The following TCF4 variants were observed in gnomAD, a reference collection of about 807,000 sequenced individuals.
The protein encoded by TCF4 is transcription factor 4, also known as SL3-3 enhancer factor 2.
In TCF4, 3 loss-of-function variants were observed where a neutral mutation model predicts 82.1. The observed-to-expected ratio is 0.04, with a 90% CI of 0.02 to 0.09. TCF4 has a LOEUF of 0.09. Among genes scored for constraint, TCF4 ranks in the 10% least tolerant of loss-of-function variants. The probability of loss-of-function intolerance (pLI) is 1.00; values close to 1 mark genes in which losing one functional copy is unlikely to be tolerated. For synonymous variants in TCF4, 276 were observed against 309.6 expected (o/e 0.89, Z 1.14); for missense variants, 518 against 852.7 (o/e 0.61, Z 4.89).
chr18:55,379,039 T>C (rs1306264187), intron 6 of TCF4, among the ~76,000 whole-genome samples: 1 of 152,224 alleles, frequency 6.6e-6, no homozygotes, highest in African/African-American at 2.4e-5. Context: ...CTCTCAGTTA[T>C]GTGACATTTT....
At chr18:55,450,197 T>C (rs1230475364) in intron 5 of TCF4, among the ~76,000 whole-genome samples, 1 of 152,158 alleles carries the variant, frequency 6.6e-6, no homozygotes, top group Non-Finnish European at 1.5e-5. Flanking sequence ...CATCCACCAC[T>C]TCCCCCATGT....
At chr18:55,330,457 T>TGTTA (rs1418742619) in intron 8 of TCF4, among the ~76,000 whole-genome samples, 1 of 148,616 alleles carries the variant, frequency 6.7e-6, no homozygotes, top group African/African-American at 2.5e-5. Flanking sequence ...GGATTACAAG[T>TGTTA]GTTAGCCACC....
chr18:55,234,477 A>C, intron 16 of TCF4, 71 bp downstream of exon 16: 1 of 1,602,740 alleles, frequency 6.2e-7, no homozygotes, highest in African/African-American at 1.3e-5. Flanking sequence ...GATGAACACC[A>C]AGAGGCTGGG....
chr18:55,532,441 A>G (rs1431917225), intron 3 of TCF4, among the ~76,000 whole-genome samples: 2 of 152,320 alleles, frequency 1.3e-5, no homozygotes, highest in East Asian at 3.9e-4. Flanking sequence ...GGCACAAGGG[A>G]GCTAATTTCT....
chr18:55,494,767 G>A (rs976933574), intron 3 of TCF4, among the ~76,000 whole-genome samples: 1 of 151,930 alleles, frequency 6.6e-6, no homozygotes, highest in African/African-American at 2.4e-5. Flanking sequence ...CTTACCAGTA[G>A]GACCACATTC....
intron 3 of TCF4, chr18:55,550,946 C>CT (rs1029534974): frequency 6.4e-4 from 95 of 147,820 alleles, no homozygotes; most frequent in Non-Finnish European, 8.1e-4. Flanking sequence ...TCATGTTATT[C>CT]TTTTTTTTTT....
At chr18:55,588,862 TG>T (rs1252008463), upstream of TCF4, among the ~76,000 whole-genome samples, 7 of 152,104 alleles carry the variant, frequency 4.6e-5, no homozygotes, top group South Asian at 4.2e-4. Flanking sequence ...GGGCAATTTT[TG>T]GGGGTGGATG....
At chr18:55,385,416 T>A (rs750822365) in intron 6 of TCF4, among the ~76,000 whole-genome samples, 1 of 152,208 alleles carries the variant, frequency 6.6e-6, no homozygotes, top group Non-Finnish European at 1.5e-5. Context: ...AAATAACTTT[T>A]TTTGTTAGAT....
intron 8 of TCF4, among the ~76,000 whole-genome samples, chr18:55,344,837 T>C (rs2080825748): frequency 6.6e-6 from 1 of 152,122 alleles, no homozygotes; most frequent in Non-Finnish European, 1.5e-5. Context: ...GTTTGGGGCA[T>C]ACAACCTTTT....
intron 3 of TCF4, among the ~76,000 whole-genome samples, chr18:55,513,313 A>T (rs1401700177): frequency 6.6e-6 from 1 of 151,846 alleles, no homozygotes; most frequent in Non-Finnish European, 1.5e-5. Flanking sequence ...AGAGTGGAAA[A>T]CAAAGAGCTC....
chr18:55,586,996 T>C (rs967753169), intron 2 of TCF4, 49 bp downstream of exon 2: 19 of 1,549,956 alleles, frequency 1.2e-5, no homozygotes, highest in Admixed American at 1.7e-5. Context: ...TTTGGGTTTT[T>C]GTTTTGTTTT....
At position 55,401,742 on chromosome 18, in the gene TCF4, G is replaced by A. The variant is rs984452639; in HGVS notation, c.369+1712C>T. On this transcript the variant is annotated intron_variant, in intron 6 of 19. Coordinates refer to ENST00000354452, the MANE Select transcript of TCF4 (RefSeq NM_001083962.2). ...AGGGGCCTCACGCTTACTCAGCAGA[G>A]GAAATCTTTGTGTCTGTGAGGAATC... 8 of 985,860 alleles carry A rather than the reference G, an allele frequency of 8.1e-6. No homozygotes were observed. In the African/African-American group the frequency reaches 1.4e-4, roughly 17 times the overall value. The allele number at this position is 985,860 out of a possible 1,614,324, so 61.1% of individuals were successfully genotyped here.
At chr18:55,626,529 G>C (rs908230815) in intron 2 of TCF4, among the ~76,000 whole-genome samples, 1 of 152,136 alleles carries the variant, frequency 6.6e-6, no homozygotes, top group Admixed American at 6.5e-5. Flanking sequence ...GACAATCTGA[G>C]ACTTGACATA....
intron 10 of TCF4, among the ~76,000 whole-genome samples, chr18:55,270,310 A>G (rs1180149990): frequency 6.6e-6 from 1 of 152,126 alleles, no homozygotes; most frequent in Admixed American, 6.6e-5. Context: ...TGTGTGGCCT[A>G]TTGATCAAGT....
upstream of TCF4, chr18:55,591,238 C>A (rs759206342): frequency 6.6e-6 from 1 of 152,196 alleles, no homozygotes; most frequent in African/African-American, 2.4e-5. Context: ...TAATATCTTA[C>A]ATTTAGACAT....
chr18:55,354,305 G>A (rs2082966086), intron 6 of TCF4, among the ~76,000 whole-genome samples: 2 of 152,168 alleles, frequency 1.3e-5, no homozygotes. Context: ...ACAGCACTCT[G>A]TGAGTGTCTT....
intron 3 of TCF4, among the ~76,000 whole-genome samples, chr18:55,557,368 C>G (rs1267521914): frequency 1.3e-5 from 2 of 152,004 alleles, no homozygotes; most frequent in African/African-American, 2.4e-5. Flanking sequence ...AGCCCTGGAG[C>G]TGGAGTCCAG....
At position 55,461,010 on chromosome 18, in the gene TCF4, G is replaced by A. The variant is rs756921809; in HGVS notation, c.304+9C>T. 1 of 1,610,528 alleles carries A rather than the reference G, an allele frequency of 6.2e-7. No homozygotes were observed. The highest frequency in any genetic ancestry group is 8.5e-7 in the Non-Finnish European group (1 of 1,177,290). On this transcript the variant is annotated intron_variant, in intron 5 of 19. Transcript: ENST00000354452. Reference sequence around the variant, plus strand: ...CAAAAAGTGTAAGTTAATTTAAAATGGGTCTTACTTTGTATTCTGGAATTG... The same window carrying A: ...CAAAAAGTGTAAGTTAATTTAAAATAGGTCTTACTTTGTATTCTGGAATTG...
chr18:55,395,147 A>T (rs931630137), intron 6 of TCF4, among the ~76,000 whole-genome samples: 2 of 152,176 alleles, frequency 1.3e-5, no homozygotes, highest in African/African-American at 4.8e-5. Flanking sequence ...CACTATCCTG[A>T]TGTTGAATTT....
Sources: gnomAD v4.1 joint callset for allele counts (sites outside exome capture counted in the v4.1 genomes callset) on GRCh38, gnomAD v4.1.1 for gene constraint, MANE v1.5 for transcripts, NCBI Gene and HGNC (gene_info 2026-07-23, HGNC 2026-07-21) for gene names.